DLG2: variants seen among roughly 807,000 people sequenced by gnomAD.
DLG2 encodes disks large homolog 2.
Under a neutral mutation model 132.5 loss-of-function variants are expected in DLG2, and 45 were observed. That is an observed-to-expected ratio of 0.34 (90% CI 0.27 to 0.44). The LOEUF is 0.44. Ranked by LOEUF, DLG2 falls within the 20% of genes least tolerant of loss-of-function variation. The pLI is 1.00. For synonymous variants in DLG2, 424 were observed against 419.6 expected, an observed-to-expected ratio of 1.01 and a Z score of -0.13; for missense variants, 1,045 against 1,196.9, an observed-to-expected ratio of 0.87 and a Z score of 1.87.
chr11:83,912,511 A>G (rs994969800), intron 15 of DLG2, among the ~76,000 whole-genome samples: 5 of 152,162 alleles, frequency 3.3e-5, no homozygotes, highest in African/African-American at 1.2e-4. Flanking sequence ...GACTGCATCA[A>G]GAACACACAG....
At chr11:85,356,848 C>T (rs557119274) in intron 3 of DLG2, among the ~76,000 whole-genome samples, 14 of 151,956 alleles carry the variant, frequency 9.2e-5, no homozygotes, top group African/African-American at 3.4e-4. Flanking sequence ...CAGACACACA[C>T]TCTTTCATTT....
rs1482746182 is a variant in DLG2, at chr11:83,852,458, A to G, written c.1566-18688T>C. Among the ~76,000 whole-genome samples the G allele has an allele frequency of 9.9e-5, 15 of 152,238 alleles. 1 individual carries two copies. The highest frequency in any genetic ancestry group is 9.8e-4 in the Admixed American group (15 of 15,286). On this transcript the variant is annotated intron_variant, in intron 16 of 27. Coordinates refer to ENST00000376104, the MANE Select transcript of DLG2 (RefSeq NM_001142699.3). ...CCATAAACCTCATTAATAGAATTTC[A>G]GAAGTTTTCATGTAGTTAAGATATG...
intron 18 of DLG2, among the ~76,000 whole-genome samples, chr11:83,708,450 C>T (rs1020092548): frequency 6.6e-5 from 10 of 152,228 alleles, no homozygotes; most frequent in Admixed American, 2.0e-4. Flanking sequence ...TGACTGTAAA[C>T]AAAGAGGAGA....
At chr11:85,187,832 G>A (rs1009679815) in intron 4 of DLG2, among the ~76,000 whole-genome samples, 1 of 152,132 alleles carries the variant, frequency 6.6e-6, no homozygotes, top group Non-Finnish European at 1.5e-5. Flanking sequence ...CAGTCTCAGT[G>A]GCAAGCAAAA....
intron 9 of DLG2, among the ~76,000 whole-genome samples, chr11:84,162,679 G>T (rs954638224): frequency 6.6e-6 from 1 of 152,070 alleles, no homozygotes; most frequent in African/African-American, 2.4e-5. Flanking sequence ...CTCTTGTAGG[G>T]TTGTACTAAT....
intron 9 of DLG2, among the ~76,000 whole-genome samples, chr11:84,160,167 G>A (rs1170982517): frequency 6.6e-6 from 1 of 151,946 alleles, no homozygotes; most frequent in Non-Finnish European, 1.5e-5. Flanking sequence ...CTAAGGGCAT[G>A]AGTCTGGATG....
intron 7 of DLG2, among the ~76,000 whole-genome samples, chr11:84,429,688 A>G (rs1567612264): frequency 6.6e-6 from 1 of 152,214 alleles, no homozygotes; most frequent in Non-Finnish European, 1.5e-5. Flanking sequence ...CCTGCAATAC[A>G]TGTGCAAATA....
chr11:83,517,169 T>C (rs1182263189), intron 21 of DLG2, among the ~76,000 whole-genome samples: 4 of 152,202 alleles, frequency 2.6e-5, no homozygotes, highest in Admixed American at 1.3e-4. Flanking sequence ...ACCAATCAGA[T>C]GTAGATTTGG....
At chr11:83,609,014 C>A (rs2059738115) in intron 19 of DLG2, among the ~76,000 whole-genome samples, 1 of 152,130 alleles carries the variant, frequency 6.6e-6, no homozygotes. Context: ...AGAAGCCCCC[C>A]TTTAAAGTAA....
chr11:85,481,111 T>G (rs2093278062), intron 3 of DLG2, among the ~76,000 whole-genome samples: 1 of 152,200 alleles, frequency 6.6e-6, no homozygotes, highest in Non-Finnish European at 1.5e-5. Flanking sequence ...TCTTCATATG[T>G]AAAATCATAT....
intron 6 of DLG2, among the ~76,000 whole-genome samples, chr11:84,834,719 A>C (rs1211412933): frequency 6.6e-6 from 1 of 151,062 alleles, no homozygotes; most frequent in Non-Finnish European, 1.5e-5. Context: ...ACTTCATAGG[A>C]GAGCTGCTGT....
At chr11:84,378,806 G>C (rs1038149674) in intron 7 of DLG2, among the ~76,000 whole-genome samples, 1 of 151,098 alleles carries the variant, frequency 6.6e-6, no homozygotes. Context: ...TTAGTTGGGC[G>C]TGGTGGCGCA....
At chr11:85,628,129 C>A (rs1362860607), upstream of DLG2, among the ~76,000 whole-genome samples, 9 of 152,266 alleles carry the variant, frequency 5.9e-5, no homozygotes, top group Non-Finnish European at 1.5e-5. Context: ...GCTGCTCTGA[C>A]GGCGCTGGGC....
intron 3 of DLG2, among the ~76,000 whole-genome samples, chr11:85,539,999 G>A (rs934713507): frequency 5.3e-5 from 8 of 152,172 alleles, no homozygotes; most frequent in African/African-American, 1.9e-4. Flanking sequence ...ATTTCCTGCT[G>A]AGCTGAGAAG....
intron 10 of DLG2, among the ~76,000 whole-genome samples, chr11:84,089,084 T>C (rs1217782919): frequency 6.6e-6 from 1 of 152,182 alleles, no homozygotes. Flanking sequence ...GTTTTTTTAT[T>C]TGCAATCACC....
intron 19 of DLG2, among the ~76,000 whole-genome samples, chr11:83,562,963 A>AT (rs1470752413): frequency 5.0e-5 from 6 of 119,784 alleles, no homozygotes; most frequent in Non-Finnish European, 1.0e-4. Context: ...TGTTTCCCTA[A>AT]TTCTTTTTTT....
intron 15 of DLG2, among the ~76,000 whole-genome samples, chr11:83,914,126 T>C (rs564497878): frequency 6.6e-6 from 1 of 152,242 alleles, no homozygotes; most frequent in East Asian, 1.9e-4. Context: ...ATCCCCAGTG[T>C]TGGAGGTGGG....
intron 7 of DLG2, among the ~76,000 whole-genome samples, chr11:84,350,642 T>C (rs2098560298): frequency 6.6e-6 from 1 of 152,270 alleles, no homozygotes; most frequent in African/African-American, 2.4e-5. Context: ...ACAGTTAGCA[T>C]ATAGTAATCA....
At chr11:84,659,684 T>C (rs2099692379) in intron 6 of DLG2, among the ~76,000 whole-genome samples, 2 of 152,174 alleles carry the variant, frequency 1.3e-5, no homozygotes, top group Admixed American at 6.5e-5. Flanking sequence ...ATAATGTCTC[T>C]ATAAGATGCT....
Sources: gnomAD v4.1 joint callset for allele counts (sites outside exome capture counted in the v4.1 genomes callset) on GRCh38, gnomAD v4.1.1 for gene constraint, MANE v1.5 for transcripts, NCBI Gene and HGNC (gene_info 2026-07-23, HGNC 2026-07-21) for gene names.